The following ANKRD44 variants were observed in gnomAD, a reference collection of about 807,000 sequenced individuals.
The protein encoded by ANKRD44 is serine/threonine-protein phosphatase 6 regulatory ankyrin repeat subunit B.
A neutral mutation model predicts 116.0 loss-of-function variants in ANKRD44; 35 were observed. The observed-to-expected ratio is 0.30, with a 90% CI of 0.23 to 0.40. The LOEUF is 0.40. Among genes scored for constraint, ANKRD44 ranks in the 10% least tolerant of loss-of-function variants. The pLI is 1.00. For synonymous variants in ANKRD44, 435 were observed against 461.8 expected, an observed-to-expected ratio of 0.94 and a Z score of 0.74; for missense variants, 1,014 against 1,242.6, an observed-to-expected ratio of 0.82 and a Z score of 2.77.
rs756431701 is a variant in ANKRD44, at chr2:197,121,506, G to A, written c.732C>T (p.His244=). 2 of 1,614,210 alleles carry A rather than the reference G, an allele frequency of 1.2e-6. No individual in the cohort carries two copies. Among genetic ancestry groups the A allele is most frequent in the East Asian group, 2.2e-5 (1 of 44,878 alleles). ...EINVYGNTAL[H]IACYNGQDAV... The stretch of plus-strand genomic sequence containing the variant: ...CATCCTGTCCATTGTAGCAGGCGAT[G>A]TGAAGCGCTGTATTTCCATAGACAT... The change falls in exon 8 of 28, where the codon CAC becomes CAT. Residue 244 remains histidine, a synonymous_variant. Coordinates refer to ENST00000282272, the MANE Select transcript of ANKRD44 (RefSeq NM_001195144.2).
In ANKRD44 at chr2:197,259,859, G is replaced by T. The variant is rs74538814; in HGVS notation, c.27+50719C>A. On this transcript the variant is annotated intron_variant, in intron 1 of 27. Transcript: ENST00000282272. The stretch of plus-strand genomic sequence containing the variant: ...GTCACTTGCTATAACTCATTGAAAA[G>T]AATATGGTTGAGGAGTTTCACATTT... Among the ~76,000 whole-genome samples the T allele has an allele frequency of 9.7e-3, 1,484 of 152,230 alleles. 13 individuals are homozygous for T. Among genetic ancestry groups the T allele is most frequent in the Non-Finnish European group, 0.011 (764 of 68,014 alleles).
At position 196,998,431 on chromosome 2, in the gene ANKRD44, G is replaced by A; in HGVS notation, c.2666-12C>T. On this transcript the variant is annotated splice_polypyrimidine_tract_variant and intron_variant, in intron 24 of 27. Transcript: ENST00000282272. ...GTTCACCAAAATATCTGTAGAAAAA[G>A]CCCAAAAGAGGGTTACTTAGATGAG... The A allele has an allele frequency of 1.2e-6, 2 of 1,609,106 alleles. No homozygotes were observed. Among genetic ancestry groups the A allele is most frequent in the South Asian group, 1.1e-5 (1 of 90,732 alleles).
At chr2:196,993,247 T>C (rs2075953354) in intron 27 of ANKRD44, among the ~76,000 whole-genome samples, 1 of 152,198 alleles carries the variant, frequency 6.6e-6, no homozygotes, top group Non-Finnish European at 1.5e-5. Context: ...ACATGTGTAG[T>C]CCCTAACTCT....
intron 16 of ANKRD44, among the ~76,000 whole-genome samples, chr2:197,073,490 G>A (rs1398511893): frequency 6.6e-6 from 1 of 152,174 alleles, no homozygotes; most frequent in Non-Finnish European, 1.5e-5. Flanking sequence ...TTCTGAGAGT[G>A]GAGTGATTTC....
intron 1 of ANKRD44, among the ~76,000 whole-genome samples, chr2:197,206,600 T>A (rs981667699): frequency 1.3e-4 from 19 of 151,946 alleles, no homozygotes; most frequent in Non-Finnish European, 2.8e-4. Context: ...GGAGAATGGC[T>A]TGAACCTGGG....
chr2:197,197,670 C>T (rs2080984490), intron 1 of ANKRD44, among the ~76,000 whole-genome samples: 1 of 151,884 alleles, frequency 6.6e-6, no homozygotes, highest in South Asian at 2.1e-4. Flanking sequence ...ATTAGCTGGG[C>T]ACGGTGGCGC....
intron 16 of ANKRD44, among the ~76,000 whole-genome samples, chr2:197,061,976 T>C (rs2077324455): frequency 6.6e-6 from 1 of 152,202 alleles, no homozygotes; most frequent in Admixed American, 6.5e-5. Flanking sequence ...AGATGGGGTT[T>C]CACCATGTTG....
intron 8 of ANKRD44, among the ~76,000 whole-genome samples, chr2:197,114,828 C>G (rs781647677): frequency 1.3e-5 from 2 of 152,146 alleles, no homozygotes; most frequent in African/African-American, 2.4e-5. Context: ...AATGCAAGAG[C>G]CTCCTAAAAT....
chr2:197,021,815 C>T (rs959940992), intron 17 of ANKRD44, among the ~76,000 whole-genome samples: 7 of 152,180 alleles, frequency 4.6e-5, no homozygotes, highest in African/African-American at 1.4e-4. Context: ...ACAATTATCT[C>T]TTAAACGTGA....
intron 16 of ANKRD44, among the ~76,000 whole-genome samples, chr2:197,039,680 C>CGTGTGTGT (rs10535447): frequency 5.7e-5 from 8 of 141,448 alleles, no homozygotes; most frequent in African/African-American, 2.1e-4. Context: ...TGTGTGTGTG[C>CGTGTGTGT]GTGTGTGTGT....
chr2:197,015,629 A>C, intron 17 of ANKRD44: 1 of 557,536 alleles, frequency 1.8e-6, no homozygotes, highest in Admixed American at 2.7e-5. Context: ...AGAAGAGGCT[A>C]TGGTGGTGAA....
intron 1 of ANKRD44, among the ~76,000 whole-genome samples, chr2:197,214,327 T>G (rs2081390651): frequency 6.6e-6 from 1 of 152,120 alleles, no homozygotes; most frequent in Non-Finnish European, 1.5e-5. Flanking sequence ...CTTGGAGAAA[T>G]ATTTATCATA....
intron 2 of ANKRD44, among the ~76,000 whole-genome samples, chr2:197,180,349 G>A (rs995736670): frequency 4.6e-5 from 7 of 152,172 alleles, no homozygotes; most frequent in African/African-American, 1.7e-4. Context: ...GAGATTTCCT[G>A]TATTTTCTCT....
downstream of ANKRD44, among the ~76,000 whole-genome samples, chr2:196,983,410 A>G (rs947674764): frequency 1.4e-4 from 22 of 152,128 alleles, no homozygotes; most frequent in African/African-American, 5.3e-4. Context: ...TGTTCCTAGA[A>G]CATAACAAAC....
At chr2:197,164,241 C>T (rs2080043692) in intron 2 of ANKRD44, among the ~76,000 whole-genome samples, 1 of 152,190 alleles carries the variant, frequency 6.6e-6, no homozygotes, top group Non-Finnish European at 1.5e-5. Context: ...TCCCGGGAGG[C>T]CTGGCCTCTG....
At chr2:197,064,868 C>T (rs201047378) in intron 16 of ANKRD44, among the ~76,000 whole-genome samples, 1 of 152,156 alleles carries the variant, frequency 6.6e-6, no homozygotes, top group East Asian at 1.9e-4. Context: ...ACTTTAACAC[C>T]CCACTGTTAA....
chr2:197,075,134 T>C (rs1389462505), intron 16 of ANKRD44, among the ~76,000 whole-genome samples: 2 of 152,130 alleles, frequency 1.3e-5, no homozygotes, highest in Admixed American at 6.5e-5. Flanking sequence ...GGCCTAGAGT[T>C]TTCAATCTCT....
At chr2:197,268,872 TG>T (rs1209903560) in intron 1 of ANKRD44, among the ~76,000 whole-genome samples, 1 of 152,340 alleles carries the variant, frequency 6.6e-6, no homozygotes, top group African/African-American at 2.4e-5. Flanking sequence ...TGTTTTAAAA[TG>T]TTTTTTTAAA....
At chr2:197,186,136 G>T (rs903086362) in intron 2 of ANKRD44, among the ~76,000 whole-genome samples, 3 of 151,990 alleles carry the variant, frequency 2.0e-5, no homozygotes, top group Admixed American at 6.6e-5. Flanking sequence ...ACCATTTTTA[G>T]CAGGAGGCCT....
Sources: gnomAD v4.1 joint callset for allele counts (sites outside exome capture counted in the v4.1 genomes callset) on GRCh38, gnomAD v4.1.1 for gene constraint, MANE v1.5 for transcripts, NCBI Gene and HGNC (gene_info 2026-07-23, HGNC 2026-07-21) for gene names.